Variants in GORAB observed in about 807,000 individuals in gnomAD.
GORAB encodes the protein RAB6-interacting golgin.
Under a neutral mutation model 29.9 loss-of-function variants are expected in GORAB, and 17 were observed. The ratio of observed to expected loss-of-function variants is 0.57; its 90% CI spans 0.39 to 0.85. GORAB has a LOEUF of 0.85. Ranked by LOEUF, GORAB falls within the 40% of genes least tolerant of loss-of-function variation. The pLI is 0.00. For synonymous variants in GORAB, 183 were observed against 157.2 expected, an observed-to-expected ratio of 1.16 and a Z score of -1.23; for missense variants, 442 against 437.8, an observed-to-expected ratio of 1.01 and a Z score of -0.09.
intron 1 of GORAB, among the ~76,000 whole-genome samples, chr1:170,538,763 A>G (rs35392130): frequency 0.11 from 16,127 of 152,268 alleles, 1,144 homozygotes; most frequent in South Asian, 0.29. Flanking sequence ...AAAAGCTGTT[A>G]AAATTTAAGA....
At position 170,539,167 on chromosome 1, in the gene GORAB, G is replaced by T. The variant is rs1404909694; in HGVS notation, c.62-43G>T. ...TTTCTTAGAGGAATTATAATTATTT[G>T]CTGCCCACACAAAGGAATTTTCCTC... On this transcript the variant is annotated intron_variant, in intron 1 of 4. Coordinates refer to ENST00000367763, the MANE Select transcript of GORAB (RefSeq NM_152281.3). The T allele has an allele frequency of 6.8e-6, 11 of 1,609,288 alleles. No homozygotes were observed. The East Asian group carries it at 2.2e-4, about 33-fold the overall frequency.
Position 170,553,179 on chromosome 1 carries a change from CAATT to C in GORAB, c.*720_*723del, listed in dbSNP as rs557436876. 188 of 430,692 alleles carry C rather than the reference CAATT, an allele frequency of 4.4e-4. 4 individuals carry two copies. The highest frequency in any genetic ancestry group is 2.3e-3 in the South Asian group (133 of 58,848). The allele number at this position is 430,692 out of a possible 1,614,324, so 26.7% of individuals were successfully genotyped here. A position where few individuals can be genotyped will look rare whatever the true frequency, so the allele number is the denominator to read the frequency against. On this transcript the variant is annotated 3_prime_UTR_variant, in exon 5 of 5. Transcript: ENST00000367763. ...AATCGATGAATTGATTAAATTTAGA[CAATT>C]AAAACATTTCTAAAGTGAGACTGAA...
chr1:170,550,756 A>T (rs978357204), intron 4 of GORAB, among the ~76,000 whole-genome samples: 2 of 152,242 alleles, frequency 1.3e-5, no homozygotes, highest in South Asian at 4.1e-4. Flanking sequence ...AGGCACTCAT[A>T]ACAGGTAAAG....
chr1:170,532,420 G>T (rs527262114), intron 1 of GORAB, 136 bp downstream of exon 1: 16 of 937,152 alleles, frequency 1.7e-5, no homozygotes, highest in South Asian at 1.1e-4. Flanking sequence ...ACGTGGACTG[G>T]ATTAGGGGGT....
rs1650113212 is a variant in GORAB, at chr1:170,551,672, A to T, written c.663-343A>T. Among the ~76,000 whole-genome samples the T allele has an allele frequency of 2.6e-5, 4 of 152,158 alleles. No individual in the cohort carries two copies. In the South Asian group the frequency reaches 8.3e-4, roughly 32 times the overall value. ...GGTAGTAATTATCCCATGGAAATGT[A>T]AACGCTACAAATCAGGGCTCCCCAT... is the stretch of plus-strand genomic sequence containing the variant. On this transcript the variant is annotated intron_variant, in intron 4 of 4. Transcript: ENST00000367763.
chr1:170,539,363 G>A lies in GORAB; in HGVS notation c.215G>A (p.Arg72Lys). 6.2e-7 allele frequency: 1 copy of A among 1,614,076 alleles called. No homozygotes were observed. Among genetic ancestry groups the A allele is most frequent in the Non-Finnish European group, 8.5e-7 (1 of 1,179,994 alleles). The change falls in exon 2 of 5, where the codon AGA becomes AAA. Residue 72 changes from arginine (R) to lysine (K), a missense_variant. Arg to Lys is a conservative substitution (Grantham distance 26). Transcript: ENST00000367763. Reference protein sequence around the residue: ...PEQLLSAPKQRVNVQKPPFSS... With the variant: ...PEQLLSAPKQKVNVQKPPFSS... ...CAGCTGCTTTCAGCACCAAAACAGA[G>A]AGTTAACGTTCAAAAACCACCTTTT...
At chr1:170,541,075 A>G (rs571847181) in intron 2 of GORAB, among the ~76,000 whole-genome samples, 1 of 152,094 alleles carries the variant, frequency 6.6e-6, no homozygotes, top group East Asian at 1.9e-4. Context: ...GTGGTGGTGC[A>G]TGCCTGTAGT....
intron 4 of GORAB, among the ~76,000 whole-genome samples, chr1:170,549,463 A>G (rs1649982509): frequency 6.6e-6 from 1 of 152,234 alleles, no homozygotes; most frequent in Admixed American, 6.5e-5. Flanking sequence ...ACCTGTTCGC[A>G]AATGTTAATT....
At chr1:170,541,155 G>C (rs1156613445) in intron 2 of GORAB, among the ~76,000 whole-genome samples, 5 of 117,900 alleles carry the variant, frequency 4.2e-5, no homozygotes, top group Non-Finnish European at 8.0e-5. Context: ...AGTGAGCCAA[G>C]ATCATGCCAC....
chr1:170,543,222 T>G (rs1649548203), intron 3 of GORAB, among the ~76,000 whole-genome samples: 1 of 152,180 alleles, frequency 6.6e-6, no homozygotes, highest in African/African-American at 2.4e-5. Flanking sequence ...AACATTCCCA[T>G]TGGAATCATT....
At chr1:170,543,523 T>G (rs953806202) in intron 3 of GORAB, among the ~76,000 whole-genome samples, 1 of 152,138 alleles carries the variant, frequency 6.6e-6, no homozygotes, top group Admixed American at 6.5e-5. Flanking sequence ...TTTTTCTTTT[T>G]CTACTACTGG....
chr1:170,534,850 A>C (rs542047688), intron 1 of GORAB, among the ~76,000 whole-genome samples: 1 of 152,278 alleles, frequency 6.6e-6, no homozygotes, highest in South Asian at 2.1e-4. Flanking sequence ...GTGACGTATG[A>C]TTGTATATAG....
rs773728833 is a variant in GORAB, at chr1:170,544,845, G to A, written c.662G>A (p.Arg221Gln). The A allele has an allele frequency of 5.6e-6, 9 of 1,605,708 alleles. No homozygotes were observed. The East Asian group carries it at 6.7e-5, about 12-fold the overall frequency. ...GCCAGCTTAGACTATTCATACGCTC[G>A]GTGAGTTGGGGAAATTGAATCTGAA... The part of the protein sequence containing the change: ...DQASLDYSYA[R>Q]KRFDRAEAEY... The change falls in exon 4 of 5, where the codon CGG (arginine) becomes CAG (glutamine). Residue 221 changes from arginine (R) to glutamine (Q), a missense_variant and splice_region_variant. Coordinates refer to ENST00000367763, the MANE Select transcript of GORAB (RefSeq NM_152281.3).
At chr1:170,545,887 C>T in intron 4 of GORAB, 1 of 261,352 alleles carries the variant, frequency 3.8e-6, no homozygotes, top group Non-Finnish European at 6.0e-6. Flanking sequence ...TAAAAGAATG[C>T]CATCAGTAGC....
intron 2 of GORAB, among the ~76,000 whole-genome samples, chr1:170,541,596 G>A (rs1261102916): frequency 6.6e-6 from 1 of 152,086 alleles, no homozygotes; most frequent in Non-Finnish European, 1.5e-5. Context: ...ATAGAGGTAT[G>A]TGATATAATG....
intron 4 of GORAB, among the ~76,000 whole-genome samples, chr1:170,546,124 C>T (rs1334289357): frequency 6.6e-6 from 1 of 152,166 alleles, no homozygotes; most frequent in East Asian, 1.9e-4. Context: ...GGCACGGTGG[C>T]TCACGCCTGT....
intron 4 of GORAB, 105 bp downstream of exon 4, chr1:170,544,950 A>G: frequency 6.6e-7 from 1 of 1,521,550 alleles, no homozygotes; most frequent in Non-Finnish European, 8.8e-7. Flanking sequence ...GCCTCAAAAC[A>G]ACCCCATTCA....
At position 170,539,240 on chromosome 1, in the gene GORAB, C is replaced by T. The variant is rs138420081; in HGVS notation, c.92C>T (p.Ala31Val). The change falls in exon 2 of 5, where the codon GCG (alanine) becomes GTG (valine). Residue 31 changes from alanine (A) to valine (V), a missense_variant. By Grantham distance (64) the Ala-to-Val change is moderately conservative. Coordinates refer to ENST00000367763, the MANE Select transcript of GORAB (RefSeq NM_152281.3). Reference protein sequence around the residue: ...DPFEPQRRLPAKKSRQQLQRE... With the variant: ...DPFEPQRRLPVKKSRQQLQRE... ...TTTGAACCACAGCGACGTCTCCCCG[C>T]GAAGAAAAGTCGACAACAACTTCAG... 5.3e-5 allele frequency: 85 copies of T among 1,614,084 alleles called. No individual in the cohort carries two copies. In the African/African-American group the frequency reaches 6.9e-4, roughly 13 times the overall value.
chr1:170,540,922 G>A (rs1170758526), intron 2 of GORAB, among the ~76,000 whole-genome samples: 2 of 152,132 alleles, frequency 1.3e-5, no homozygotes. Flanking sequence ...GAGGAAGGAG[G>A]ACAGGCGTGG....
Sources: allele counts gnomAD v4.1 joint callset (sites outside exome capture counted in the v4.1 genomes callset), GRCh38; gene constraint gnomAD v4.1.1; transcripts MANE v1.5; gene names NCBI Gene and HGNC (gene_info 2026-07-23, HGNC 2026-07-21).